The following LRP2 variants were observed in gnomAD, a reference collection of about 807,000 sequenced individuals.
The protein encoded by LRP2 is low-density lipoprotein receptor-related protein 2.
Under a neutral mutation model 531.0 loss-of-function variants are expected in LRP2, and 172 were observed. The ratio of observed to expected loss-of-function variants is 0.32; its 90% confidence interval spans 0.29 to 0.37. LRP2 has a LOEUF of 0.37. Ranked by LOEUF, LRP2 falls within the 10% of genes least tolerant of loss-of-function variation. LRP2 has a pLI of 1.00. For missense variants in LRP2, 5,167 were observed against 5,868.3 expected (o/e 0.88, Z 3.90); for synonymous variants, 1,992 against 2,027.6 (o/e 0.98, Z 0.47).
At chr2:169,242,070 T>G (rs77416334) in intron 24 of LRP2, among the ~76,000 whole-genome samples, 6,331 of 152,328 alleles carry the variant, frequency 0.042, 355 homozygotes, top group African/African-American at 0.13. Flanking sequence ...TAGTGATTAG[T>G]AATTTCTAGA....
intron 1 of LRP2, among the ~76,000 whole-genome samples, chr2:169,340,656 G>A (rs1443706777): frequency 6.6e-6 from 1 of 152,154 alleles, no homozygotes; most frequent in Non-Finnish European, 1.5e-5. Context: ...TTCAGGAATG[G>A]GAGTCACCAG....
Position 169,185,610 on chromosome 2 carries a change from T to C in LRP2, c.9738A>G (p.Thr3246=), listed in dbSNP as rs1574108633. 9 of 1,614,198 alleles carry C rather than the reference T, an allele frequency of 5.6e-6. No individual in the cohort carries two copies. Among genetic ancestry groups the C allele is most frequent in the Non-Finnish European group, 7.6e-6 (9 of 1,180,022 alleles). ...RVEKRLYWID[T]QRQVIERMFL... Reference sequence around the variant, plus strand: ...ACATTCTCTCAATGACTTGCCTCTGTGTATCAATCCAATACAATCTCTTCT... The same window carrying C: ...ACATTCTCTCAATGACTTGCCTCTGCGTATCAATCCAATACAATCTCTTCT... Residue 3246 remains threonine (T), a synonymous_variant, in exon 50 of 79, where the codon ACA becomes ACG. Transcript: ENST00000649046.
chr2:169,287,037 G>A (rs1354875524), intron 9 of LRP2, among the ~76,000 whole-genome samples: 1 of 152,148 alleles, frequency 6.6e-6, no homozygotes, highest in Admixed American at 6.5e-5. Flanking sequence ...ACCCACAGAC[G>A]AGCCCCACTC....
chr2:169,220,868 C>T (rs1688967614), intron 33 of LRP2, among the ~76,000 whole-genome samples: 1 of 152,028 alleles, frequency 6.6e-6, no homozygotes, highest in Non-Finnish European at 1.5e-5. Flanking sequence ...CATACAGAGC[C>T]ACTGCCTAAA....
intron 40 of LRP2, 106 bp downstream of exon 40, chr2:169,205,917 A>G: frequency 7.1e-7 from 1 of 1,408,310 alleles, no homozygotes. Context: ...CTGTAGCCAT[A>G]GTTTTATAAG....
chr2:169,212,405 C>T (rs1430181670), intron 36 of LRP2, among the ~76,000 whole-genome samples, 198 bp from the exon 37 acceptor site: 1 of 152,060 alleles, frequency 6.6e-6, no homozygotes, highest in Non-Finnish European at 1.5e-5. Flanking sequence ...AAACCAGTAA[C>T]CCAACTATTG....
At chr2:169,209,775 T>G in intron 37 of LRP2, 134 bp from the exon 38 acceptor site, 1 of 881,908 alleles carries the variant, frequency 1.1e-6, no homozygotes, top group Non-Finnish European at 1.8e-6. Context: ...GAAACCCTTT[T>G]TTCCCAGTTG....
Position 169,292,372 on chromosome 2 carries a change from G to A in LRP2, c.653-3C>T. The A allele has an allele frequency of 6.3e-7, 1 of 1,591,522 alleles. No homozygotes were observed. Among genetic ancestry groups the A allele is most frequent in the Non-Finnish European group, 8.6e-7 (1 of 1,159,532 alleles). On this transcript the variant is annotated splice_region_variant and splice_polypyrimidine_tract_variant and intron_variant, in intron 6 of 78. Coordinates refer to ENST00000649046, the MANE Select transcript of LRP2 (RefSeq NM_004525.3). ...GTAACCACCGCAGGTCGGATAGTCTGGAATAAAGCAACAGCTGCACTCCAA... is the reference window on the plus strand; with the variant it reads ...GTAACCACCGCAGGTCGGATAGTCTAGAATAAAGCAACAGCTGCACTCCAA...
At position 169,154,064 on chromosome 2, in the gene LRP2, G is replaced by C. The variant is rs150166334; in HGVS notation, c.12295+396C>G. Among the ~76,000 whole-genome samples, 5 of 152,316 alleles carry C rather than the reference G, an allele frequency of 3.3e-5. No homozygotes were observed. The East Asian group carries it at 9.6e-4, about 29-fold the overall frequency. Reference sequence around the variant, plus strand: ...CATAGATTCATGGTGAGCAATCATAGAACTCTGCCAGAAGGAGTGATAGAA... The same window carrying C: ...CATAGATTCATGGTGAGCAATCATACAACTCTGCCAGAAGGAGTGATAGAA... On this transcript the variant is annotated intron_variant, in intron 66 of 78. Coordinates refer to ENST00000649046, the MANE Select transcript of LRP2 (RefSeq NM_004525.3).
At chr2:169,334,591 C>T (rs1026094088) in intron 1 of LRP2, among the ~76,000 whole-genome samples, 1 of 152,096 alleles carries the variant, frequency 6.6e-6, no homozygotes, top group Non-Finnish European at 1.5e-5. Context: ...AAAAAGCAAT[C>T]GCCAGAAAGC....
At chr2:169,193,975 T>C in intron 46 of LRP2, 83 bp from the exon 47 acceptor site, 1 of 1,508,470 alleles carries the variant, frequency 6.6e-7, no homozygotes, top group Non-Finnish European at 9.2e-7. Flanking sequence ...TAGCATGGGT[T>C]GTCTAGAAAA....
Position 169,307,562 on chromosome 2 carries a change from G to A in LRP2, c.311-165C>T, listed in dbSNP as rs17848175. ...TACAAAGCAAAAACAGAAGTATAAT[G>A]TTATCAAAATGCCCAGAGAATAGTG... On this transcript the variant is annotated intron_variant, in intron 3 of 78. Transcript: ENST00000649046. 0.088 allele frequency among the ~76,000 whole-genome samples: 13,411 copies of A among 152,030 alleles called. 665 individuals are homozygous for A. Among genetic ancestry groups the A allele is most frequent in the Middle Eastern group, 0.12 (35 of 292 alleles).
At chr2:169,133,392 CATTTT>C (rs1397092291) in intron 76 of LRP2, among the ~76,000 whole-genome samples, 48 of 152,306 alleles carry the variant, frequency 3.2e-4, no homozygotes, top group African/African-American at 1.1e-3. Context: ...TACATGGCCT[CATTTT>C]ATTTTAAGTG....
chr2:169,317,548 C>T (rs755494559), intron 3 of LRP2, among the ~76,000 whole-genome samples: 1 of 152,082 alleles, frequency 6.6e-6, no homozygotes, highest in Admixed American at 6.6e-5. Context: ...ATTAATCAAC[C>T]CTGGAACAAC....
chr2:169,258,243 C>T (rs962438435), intron 17 of LRP2, among the ~76,000 whole-genome samples: 2 of 152,052 alleles, frequency 1.3e-5, no homozygotes, highest in African/African-American at 2.4e-5. Context: ...CTAATAGCTG[C>T]GGGCCCTTTC....
At chr2:169,310,066 T>C (rs962498862) in intron 3 of LRP2, among the ~76,000 whole-genome samples, 33 of 152,332 alleles carry the variant, frequency 2.2e-4, no homozygotes, top group African/African-American at 7.7e-4. Context: ...TTTTTGCACA[T>C]TGATTTTGTA....
chr2:169,287,621 G>A (rs1235854955), intron 9 of LRP2, among the ~76,000 whole-genome samples: 3 of 149,484 alleles, frequency 2.0e-5, no homozygotes, highest in African/African-American at 7.3e-5. Context: ...ACATTTTTCT[G>A]TTTGCTAGCA....
At chr2:169,169,632 G>A (rs1048873570) in intron 60 of LRP2, 70 bp downstream of exon 60, 51 of 1,165,316 alleles carry the variant, frequency 4.4e-5, no homozygotes, top group African/African-American at 2.4e-4. Context: ...AAGCGGCAGC[G>A]GACTGATGTC....
At chr2:169,207,344 G>A in intron 38 of LRP2, 94 bp from the exon 39 acceptor site, 2 of 864,750 alleles carry the variant, frequency 2.3e-6, no homozygotes, top group Non-Finnish European at 1.9e-6. Context: ...ATATAAGGTT[G>A]AAGTCTGGGT....
Sources: allele counts gnomAD v4.1 joint callset (sites outside exome capture counted in the v4.1 genomes callset), GRCh38; gene constraint gnomAD v4.1.1; transcripts MANE v1.5; gene names NCBI Gene and HGNC (gene_info 2026-07-23, HGNC 2026-07-21).